The following HEMK2 variants were observed in gnomAD, a reference collection of about 807,000 sequenced individuals.
HEMK2 encodes methyltransferase HEMK2.
the HEMK2 span, among the ~76,000 whole-genome samples, chr21:28,650,336 A>C: frequency 2.0e-5 from 3 of 152,102 alleles, no homozygotes; most frequent in African/African-American, 7.2e-5. Context: ...CAGGGGTTGC[A>C]GTGAGCCAAG....
At chr21:28,634,256 T>G in the HEMK2 span, among the ~76,000 whole-genome samples, 2 of 152,276 alleles carry the variant, frequency 1.3e-5, no homozygotes, top group South Asian at 4.1e-4. Flanking sequence ...GACTGGGAAG[T>G]GTGCAAGGGG....
the HEMK2 span, among the ~76,000 whole-genome samples, chr21:28,770,290 A>AT: frequency 1.3e-5 from 2 of 151,960 alleles, no homozygotes; most frequent in Non-Finnish European, 2.9e-5. Flanking sequence ...TTCCTTTAGG[A>AT]TTTTTCCTCT....
At chr21:28,841,270 T>A in the HEMK2 span, among the ~76,000 whole-genome samples, 6 of 6,174 alleles carry the variant, frequency 9.7e-4, no homozygotes, top group African/African-American at 7.7e-3. Context: ...ATAATATATA[T>A]TATATATTAT....
chr21:28,760,334 T>C, the HEMK2 span, among the ~76,000 whole-genome samples: 2 of 152,178 alleles, frequency 1.3e-5, no homozygotes, highest in Admixed American at 1.3e-4. Flanking sequence ...TCAACAAACT[T>C]TTTCCATAAA....
chr21:28,640,733 C>T, the HEMK2 span, among the ~76,000 whole-genome samples: 1 of 152,114 alleles, frequency 6.6e-6, no homozygotes. Flanking sequence ...CTGATTGATC[C>T]AATGTTTCTT....
At chr21:28,849,073 C>A in the HEMK2 span, among the ~76,000 whole-genome samples, 1 of 152,208 alleles carries the variant, frequency 6.6e-6, no homozygotes, top group Non-Finnish European at 1.5e-5. Context: ...ACCCTGACAA[C>A]ATGCTTTGGC....
chr21:28,678,206 G>T, the HEMK2 span, among the ~76,000 whole-genome samples: 1 of 152,222 alleles, frequency 6.6e-6, no homozygotes, highest in South Asian at 2.1e-4. Context: ...TAAAGGACCT[G>T]ATGGAGCTGA....
the HEMK2 span, among the ~76,000 whole-genome samples, chr21:28,815,731 AG>A: frequency 6.6e-6 from 1 of 152,236 alleles, no homozygotes; most frequent in African/African-American, 2.4e-5. Flanking sequence ...TTTGAGTAAA[AG>A]CAACAGCATC....
At chr21:28,819,147 C>T in the HEMK2 span, among the ~76,000 whole-genome samples, 4 of 152,200 alleles carry the variant, frequency 2.6e-5, no homozygotes, top group Admixed American at 2.6e-4. Context: ...GAAAAGCCAA[C>T]AAATAATAGG....
At chr21:28,861,016 A>T in the HEMK2 span, among the ~76,000 whole-genome samples, 1 of 152,214 alleles carries the variant, frequency 6.6e-6, no homozygotes, top group South Asian at 2.1e-4. Context: ...TGGTGGAATG[A>T]ATTAGACACT....
chr21:28,878,003 A>G, the HEMK2 span, among the ~76,000 whole-genome samples: 1 of 152,174 alleles, frequency 6.6e-6, no homozygotes, highest in South Asian at 2.1e-4. Flanking sequence ...TAAAATCAGA[A>G]AAATTTACCT....
At chr21:28,681,767 T>C in the HEMK2 span, among the ~76,000 whole-genome samples, 151,367 of 151,368 alleles carry the variant, frequency 1, 75,683 homozygotes, top group Middle Eastern at 1. Context: ...ACTATCTGAT[T>C]TTTGACAAAC....
the HEMK2 span, among the ~76,000 whole-genome samples, chr21:28,589,638 AACAAAAGAGGAAAACT>A: frequency 6.6e-6 from 1 of 152,216 alleles, no homozygotes; most frequent in Non-Finnish European, 1.5e-5. Flanking sequence ...GTTACAGACA[AACAAAAGAGGAAAACT>A]AGAATGATCC....
chr21:28,737,844 A>G, the HEMK2 span, among the ~76,000 whole-genome samples: 1 of 152,228 alleles, frequency 6.6e-6, no homozygotes, highest in Non-Finnish European at 1.5e-5. Flanking sequence ...GGAGGTGTCC[A>G]TTGCTGATTG....
At chr21:28,882,922 T>C in the HEMK2 span, 5 of 1,147,016 alleles carry the variant, frequency 4.4e-6, no homozygotes, top group Non-Finnish European at 6.2e-6. Context: ...TTAAAAATTA[T>C]TTCATTAGAG....
chr21:28,642,222 T>A, the HEMK2 span, among the ~76,000 whole-genome samples: 6 of 152,346 alleles, frequency 3.9e-5, no homozygotes, highest in East Asian at 7.7e-4. Context: ...GCTGAATGCA[T>A]GTGTTCCCCC....
chr21:28,615,484 T>C, the HEMK2 span, among the ~76,000 whole-genome samples: 23 of 151,310 alleles, frequency 1.5e-4, no homozygotes, highest in African/African-American at 5.4e-4. Context: ...CAGAGAGGAA[T>C]GTTGAGTCAC....
At chr21:28,625,270 GA>G in the HEMK2 span, among the ~76,000 whole-genome samples, 1 of 152,052 alleles carries the variant, frequency 6.6e-6, no homozygotes, top group African/African-American at 2.4e-5. Context: ...TTTCTATAAA[GA>G]AAAAAGCTAG....
At chr21:28,805,789 T>A in the HEMK2 span, among the ~76,000 whole-genome samples, 1 of 152,240 alleles carries the variant, frequency 6.6e-6, no homozygotes, top group African/African-American at 2.4e-5. Context: ...CATTGTTTTA[T>A]TTAAAAGTTC....
Sources: allele counts gnomAD v4.1 joint callset (sites outside exome capture counted in the v4.1 genomes callset), GRCh38; gene constraint gnomAD v4.1.1; transcripts MANE v1.5; gene names NCBI Gene and HGNC (gene_info 2026-07-23, HGNC 2026-07-21).